Variants in EPHA6 observed in about 807,000 individuals in gnomAD.
The protein encoded by EPHA6 is EPH receptor A6, also known as ephrin type-A receptor 6.
In EPHA6, 50 loss-of-function variants were observed where a neutral mutation model predicts 112.0. The observed-to-expected ratio is 0.45, with a 90% CI of 0.36 to 0.56. EPHA6 has a LOEUF of 0.56. Among genes scored for constraint, EPHA6 ranks in the 20% least tolerant of loss-of-function variants. EPHA6 has a pLI of 0.00. For synonymous variants in EPHA6, 529 were observed against 490.7 expected, an observed-to-expected ratio of 1.08 and a Z score of -1.03; for missense variants, 1,280 against 1,417.4, an observed-to-expected ratio of 0.90 and a Z score of 1.56.
intron 14 of EPHA6, among the ~76,000 whole-genome samples, chr3:97,700,320 T>C (rs2033307661): frequency 6.6e-6 from 1 of 152,136 alleles, no homozygotes; most frequent in South Asian, 2.1e-4. Context: ...TCCCCCGCGC[T>C]TCCAAGTTGA....
At chr3:97,721,543 T>C (rs2034526173) in intron 15 of EPHA6, among the ~76,000 whole-genome samples, 1 of 152,180 alleles carries the variant, frequency 6.6e-6, no homozygotes, top group African/African-American at 2.4e-5. Context: ...AGCAGCAGGT[T>C]TGAGGCCAAA....
chr3:97,523,855 A>G (rs1418291340), intron 10 of EPHA6, among the ~76,000 whole-genome samples: 1 of 152,018 alleles, frequency 6.6e-6, no homozygotes, highest in Non-Finnish European at 1.5e-5. Context: ...ATTCTAATAT[A>G]ACAATTATAT....
At chr3:97,544,572 G>T (rs542516578) in intron 11 of EPHA6, among the ~76,000 whole-genome samples, 1 of 152,134 alleles carries the variant, frequency 6.6e-6, no homozygotes, top group East Asian at 1.9e-4. Flanking sequence ...TTGTGTCTCT[G>T]CCAGGCTTTG....
chr3:97,108,490 GC>G (rs2047631960), intron 3 of EPHA6, among the ~76,000 whole-genome samples: 1 of 152,092 alleles, frequency 6.6e-6, no homozygotes, highest in Non-Finnish European at 1.5e-5. Flanking sequence ...ACAAGGCATT[GC>G]CAAGGAAAGT....
intron 10 of EPHA6, among the ~76,000 whole-genome samples, chr3:97,522,926 CTTAG>C (rs2092565834): frequency 6.6e-6 from 1 of 151,428 alleles, no homozygotes; most frequent in South Asian, 2.1e-4. Flanking sequence ...CTCTTTTTTT[CTTAG>C]TTGGTCTGGT....
At chr3:97,557,726 A>T (rs1363131563) in intron 11 of EPHA6, among the ~76,000 whole-genome samples, 2 of 151,780 alleles carry the variant, frequency 1.3e-5, no homozygotes, top group African/African-American at 4.8e-5. Context: ...AGATATGCTG[A>T]ATCTATCCCC....
chr3:97,519,951 T>G (rs2092511255), intron 10 of EPHA6, among the ~76,000 whole-genome samples: 1 of 152,020 alleles, frequency 6.6e-6, no homozygotes, highest in East Asian at 1.9e-4. Flanking sequence ...ATTTCCTTTT[T>G]TCTAGTTTGG....
intron 2 of EPHA6, among the ~76,000 whole-genome samples, chr3:96,949,287 G>A (rs1165806734): frequency 1.3e-5 from 2 of 151,938 alleles, no homozygotes; most frequent in African/African-American, 2.4e-5. Context: ...AACAAAAATA[G>A]CTATTAGTAG....
chr3:96,939,218 T>C (rs2040789849), intron 2 of EPHA6, among the ~76,000 whole-genome samples: 1 of 152,212 alleles, frequency 6.6e-6, no homozygotes, highest in Non-Finnish European at 1.5e-5. Flanking sequence ...AGAATTCGGC[T>C]GTGAATCCAT....
intron 11 of EPHA6, among the ~76,000 whole-genome samples, chr3:97,588,170 C>A (rs1426579394): frequency 6.6e-6 from 1 of 152,116 alleles, no homozygotes; most frequent in East Asian, 1.9e-4. Context: ...TCAGTATTTT[C>A]TTTCTACCGC....
intron 2 of EPHA6, among the ~76,000 whole-genome samples, chr3:96,974,626 C>T (rs935508794): frequency 3.9e-5 from 6 of 152,016 alleles, no homozygotes; most frequent in Non-Finnish European, 7.4e-5. Context: ...TTGCAAACTA[C>T]ATCTATTCTT....
chr3:97,093,074 A>G (rs1223286060), intron 3 of EPHA6, among the ~76,000 whole-genome samples: 2 of 152,102 alleles, frequency 1.3e-5, no homozygotes, highest in Admixed American at 6.6e-5. Flanking sequence ...ACCTTTATTC[A>G]TTGGTGAGAA....
chr3:97,378,446 G>C (rs1014855046), intron 5 of EPHA6, among the ~76,000 whole-genome samples: 1 of 152,164 alleles, frequency 6.6e-6, no homozygotes, highest in Non-Finnish European at 1.5e-5. Flanking sequence ...CCCTCCCGGG[G>C]CACCACCTAG....
At chr3:97,444,755 G>T (rs2090271370) in intron 6 of EPHA6, among the ~76,000 whole-genome samples, 1 of 152,102 alleles carries the variant, frequency 6.6e-6, no homozygotes, top group African/African-American at 2.4e-5. Flanking sequence ...GAGCCTATTT[G>T]TTTTCACCAA....
At chr3:97,555,894 G>A (rs530725259) in intron 11 of EPHA6, among the ~76,000 whole-genome samples, 92 of 152,082 alleles carry the variant, frequency 6.0e-4, no homozygotes, top group Non-Finnish European at 1.1e-3. Flanking sequence ...TCACTCTGAT[G>A]GTAGTTTCTT....
At chr3:96,876,238 G>A (rs1452777352) in intron 2 of EPHA6, among the ~76,000 whole-genome samples, 2 of 150,768 alleles carry the variant, frequency 1.3e-5, no homozygotes, top group African/African-American at 2.4e-5. Flanking sequence ...GCCTGGCCTA[G>A]ACATTTTTAT....
chr3:97,669,807 T>C (rs1225280223), intron 14 of EPHA6, among the ~76,000 whole-genome samples: 1 of 152,250 alleles, frequency 6.6e-6, no homozygotes, highest in Non-Finnish European at 1.5e-5. Context: ...CATCTACTTT[T>C]CAGCACATTG....
intron 2 of EPHA6, among the ~76,000 whole-genome samples, chr3:96,938,453 G>T (rs921349385): frequency 6.6e-6 from 1 of 151,970 alleles, no homozygotes; most frequent in Non-Finnish European, 1.5e-5. Flanking sequence ...TTTGTACATT[G>T]ATTTTGTATC....
intron 3 of EPHA6, among the ~76,000 whole-genome samples, chr3:97,097,573 A>T (rs1378498467): frequency 1.3e-5 from 2 of 151,852 alleles, no homozygotes; most frequent in African/African-American, 2.4e-5. Flanking sequence ...TGGAATAATC[A>T]TATGACACTT....
Sources: gnomAD v4.1 joint callset for allele counts (sites outside exome capture counted in the v4.1 genomes callset) on GRCh38, gnomAD v4.1.1 for gene constraint, MANE v1.5 for transcripts, NCBI Gene and HGNC (gene_info 2026-07-23, HGNC 2026-07-21) for gene names.